Variants in APBB2 observed in about 807,000 individuals in gnomAD.
The protein encoded by APBB2 is Fe65-like 1.
Under a neutral mutation model 82.5 loss-of-function variants are expected in APBB2, and 38 were observed. The ratio of observed to expected loss-of-function variants is 0.46; its 90% CI spans 0.36 to 0.60. The LOEUF (loss-of-function observed/expected upper bound fraction) is 0.60, where lower values mean the gene tolerates loss of function less well. APBB2 is among the 20% of genes least tolerant of loss of function. The pLI is 0.00. For missense variants in APBB2, 772 were observed against 972.3 expected (o/e 0.79, Z 2.74); for synonymous variants, 341 against 368.2 (o/e 0.93, Z 0.85).
At chr4:40,823,204 G>A (rs955471757) in intron 16 of APBB2, among the ~76,000 whole-genome samples, 4 of 152,200 alleles carry the variant, frequency 2.6e-5, no homozygotes, top group Admixed American at 2.0e-4. Context: ...ACGAAACTGA[G>A]ATAATTTGGG....
chr4:40,912,145 G>A (rs1044472086), intron 10 of APBB2, among the ~76,000 whole-genome samples: 1 of 152,178 alleles, frequency 6.6e-6, no homozygotes. Context: ...ATGGAAGAGT[G>A]GGATGGGAAC....
chr4:41,138,854 A>C (rs1758317894), intron 2 of APBB2, among the ~76,000 whole-genome samples: 1 of 152,186 alleles, frequency 6.6e-6, no homozygotes, highest in African/African-American at 2.4e-5. Context: ...TACACATAAA[A>C]AACTATCAGT....
intron 7 of APBB2, among the ~76,000 whole-genome samples, chr4:40,936,595 G>C (rs1785420604): frequency 6.6e-6 from 1 of 152,194 alleles, no homozygotes; most frequent in Admixed American, 6.5e-5. Context: ...CTCTCTGAGA[G>C]CAAAGACACT....
At chr4:40,959,492 G>A (rs1465509548) in intron 6 of APBB2, among the ~76,000 whole-genome samples, 1 of 152,158 alleles carries the variant, frequency 6.6e-6, no homozygotes, top group African/African-American at 2.4e-5. Flanking sequence ...ATTTAGAAGT[G>A]GCCTTGATCA....
At chr4:41,203,068 GT>G (rs554473489) in intron 1 of APBB2, among the ~76,000 whole-genome samples, 92 of 146,058 alleles carry the variant, frequency 6.3e-4, no homozygotes, top group East Asian at 2.6e-3. Context: ...ATTCTCCTCA[GT>G]TTTTTTTTTT....
intron 3 of APBB2, among the ~76,000 whole-genome samples, chr4:41,091,384 C>A (rs937694098): frequency 6.6e-6 from 1 of 152,252 alleles, no homozygotes; most frequent in South Asian, 2.1e-4. Context: ...AGTCACCCCC[C>A]GTTTATTTGC....
chr4:40,876,109 G>C (rs569457515), intron 12 of APBB2, among the ~76,000 whole-genome samples: 1 of 152,264 alleles, frequency 6.6e-6, no homozygotes, highest in Admixed American at 6.5e-5. Context: ...CCTTTCTTAG[G>C]TTCCTTTGAA....
chr4:40,962,309 G>GA (rs1793501478), intron 6 of APBB2, among the ~76,000 whole-genome samples: 1 of 152,078 alleles, frequency 6.6e-6, no homozygotes, highest in Non-Finnish European at 1.5e-5. Flanking sequence ...AAAATTCCAG[G>GA]AAAGAACCAG....
At chr4:41,175,087 C>T (rs1302158551) in intron 1 of APBB2, among the ~76,000 whole-genome samples, 2 of 152,142 alleles carry the variant, frequency 1.3e-5, no homozygotes, top group African/African-American at 4.8e-5. Flanking sequence ...ACATTAGCCT[C>T]AAGACAAGCT....
At position 41,072,414 on chromosome 4, in the gene APBB2, T is replaced by C. The variant is rs565868529; in HGVS notation, c.-148-6741A>G. On this transcript the variant is annotated intron_variant, in intron 3 of 17. Coordinates refer to ENST00000508593, the MANE Select transcript of APBB2 (RefSeq NM_004307.2). ...CACAGTCTGGCTATCTCCTCTCCTTTGTCCTAAAGAGTTGCATCTCATTTC... is the reference window on the plus strand; with the variant it reads ...CACAGTCTGGCTATCTCCTCTCCTTCGTCCTAAAGAGTTGCATCTCATTTC... Among the ~76,000 whole-genome samples, 141 of 152,342 alleles carry C rather than the reference T, an allele frequency of 9.3e-4. 2 individuals are homozygous for C. The South Asian group carries it at 0.028, about 31-fold the overall frequency.
intron 12 of APBB2, among the ~76,000 whole-genome samples, chr4:40,859,780 C>A (rs78478524): frequency 6.6e-6 from 1 of 152,274 alleles, no homozygotes; most frequent in Admixed American, 6.5e-5. Context: ...ACCACATTCC[C>A]TCCTCTTTGT....
intron 10 of APBB2, among the ~76,000 whole-genome samples, chr4:40,905,102 G>T (rs2154359204): frequency 6.6e-6 from 1 of 152,290 alleles, no homozygotes; most frequent in East Asian, 1.9e-4. Flanking sequence ...CTACAAAGAG[G>T]ACGGTCATGA....
chr4:41,147,234 A>C (rs368698819), intron 1 of APBB2, among the ~76,000 whole-genome samples: 20 of 152,360 alleles, frequency 1.3e-4, no homozygotes, highest in East Asian at 7.7e-4. Context: ...TAAATGTAGC[A>C]GTCTGATAAA....
Position 40,810,599 on chromosome 4 carries a change from A to AAAAAG in APBB2, c.*5492_*5493insCTTTT, listed in dbSNP as rs1319566525. 1 of 151,556 alleles carries AAAAAG rather than the reference A, an allele frequency of 6.6e-6. No individual in the cohort carries two copies. Among genetic ancestry groups the AAAAAG allele is most frequent in the African/African-American group, 2.4e-5 (1 of 41,228 alleles). The allele number at this position is 151,556 out of a possible 1,614,324, so 9.4% of individuals were successfully genotyped here. On this transcript the variant is annotated 3_prime_UTR_variant, in exon 18 of 18. Coordinates refer to ENST00000508593, the MANE Select transcript of APBB2 (RefSeq NM_004307.2). ...CCTCAAAAAAAAAAAAAAAAAAAAAAAAGTGTCAATGAAGAAAGGAAACAA... is the reference window on the plus strand; with the variant it reads ...CCTCAAAAAAAAAAAAAAAAAAAAAAAAAAGAAGTGTCAATGAAGAAAGGAAACAA...
At chr4:41,052,909 AC>A (rs1726557965) in intron 4 of APBB2, among the ~76,000 whole-genome samples, 1 of 151,388 alleles carries the variant, frequency 6.6e-6, no homozygotes, top group Non-Finnish European at 1.5e-5. Flanking sequence ...GATTACAGGC[AC>A]CAGCCACTGC....
At chr4:40,848,096 A>G (rs1392544727) in intron 12 of APBB2, among the ~76,000 whole-genome samples, 2 of 152,234 alleles carry the variant, frequency 1.3e-5, no homozygotes, top group Non-Finnish European at 2.9e-5. Context: ...GGCATGAGCC[A>G]CTATGCCCAG....
chr4:40,969,814 C>T (rs140378231), intron 6 of APBB2, among the ~76,000 whole-genome samples: 1 of 152,176 alleles, frequency 6.6e-6, no homozygotes, highest in African/African-American at 2.4e-5. Flanking sequence ...GTAAAGGGAA[C>T]ATGTTTCAAC....
chr4:40,934,358 G>C, intron 10 of APBB2, 98 bp downstream of exon 10: 2 of 1,191,072 alleles, frequency 1.7e-6, no homozygotes, highest in Non-Finnish European at 2.5e-6. Context: ...TTATTAAATG[G>C]CTCTGGGTTG....
intron 2 of APBB2, among the ~76,000 whole-genome samples, chr4:41,128,974 G>C (rs1755202148): frequency 6.6e-6 from 1 of 152,000 alleles, no homozygotes; most frequent in South Asian, 2.1e-4. Flanking sequence ...CTAAGCCCCA[G>C]TGACGAGCCA....
Sources: allele counts gnomAD v4.1 joint callset (sites outside exome capture counted in the v4.1 genomes callset), GRCh38; gene constraint gnomAD v4.1.1; transcripts MANE v1.5; gene names NCBI Gene and HGNC (gene_info 2026-07-23, HGNC 2026-07-21).